The following MFHAS1 variants were observed in gnomAD, a reference collection of about 807,000 sequenced individuals.
The protein encoded by MFHAS1 is malignant fibrous histiocytoma-amplified sequence 1.
A neutral mutation model predicts 70.4 loss-of-function variants in MFHAS1; 50 were observed. That is an observed-to-expected ratio of 0.71 (90% CI 0.57 to 0.90). The LOEUF is 0.90. Ranked by LOEUF, MFHAS1 falls within the 40% of genes least tolerant of loss-of-function variation. MFHAS1 has a pLI of 0.00. For synonymous variants in MFHAS1, 952 were observed against 620.0 expected (o/e 1.54, Z -7.96); for missense variants, 1,795 against 1,347.6 (o/e 1.33, Z -5.20).
rs534971301 is a variant in MFHAS1 at position 8,876,675 on chromosome 8, C to T, written c.2998+13386G>A. Among the ~76,000 whole-genome samples, 4 of 151,940 alleles carry T rather than the reference C, an allele frequency of 2.6e-5. No individual in the cohort carries two copies. In the East Asian group the frequency reaches 5.9e-4, roughly 22 times the overall value. On this transcript the variant is annotated intron_variant, in intron 1 of 2. Coordinates refer to ENST00000276282, the MANE Select transcript of MFHAS1 (RefSeq NM_004225.3). ...TACAGGTGTGAGCCACCACACCTGG[C>T]CTATAAGTTTTTATAAAGGGGAAAA...
intron 1 of MFHAS1, among the ~76,000 whole-genome samples, chr8:8,882,074 A>G (rs554569618): frequency 6.6e-6 from 1 of 152,220 alleles, no homozygotes; most frequent in Admixed American, 6.5e-5. Context: ...TTCCTTTAAA[A>G]TGCATAAAGA....
At chr8:8,847,050 C>A (rs1808062589) in intron 1 of MFHAS1, among the ~76,000 whole-genome samples, 1 of 152,180 alleles carries the variant, frequency 6.6e-6, no homozygotes, top group Non-Finnish European at 1.5e-5. Flanking sequence ...TCCAAACACA[C>A]TCAGAAAAAC....
rs1312516996 is a variant in MFHAS1 at position 8,891,977 on chromosome 8, A to C, written c.1082T>G (p.Phe361Cys). ...GNQIAVLPDH[F>C]GQLSRVGLWK... ...CAAACCCACCCGGGAGAGCTGGCCA[A>C]AGTGGTCGGGCAGCACCGCGATCTG... is the stretch of plus-strand genomic sequence containing the variant. Residue 361 changes from phenylalanine (F) to cysteine (C), a missense_variant, in exon 1 of 3, where the codon TTT becomes TGT. Phe to Cys is a radical substitution (Grantham distance 205, BLOSUM62 -2). Transcript: ENST00000276282. This position sits in a 1 kb window ranked among gnomAD's most constrained non-coding sequence, Gnocchi z 5.4. 1 of 1,612,888 alleles carries C rather than the reference A, an allele frequency of 6.2e-7. No homozygotes were observed. The highest frequency in any genetic ancestry group is 1.3e-5 in the African/African-American group (1 of 74,894).
In MFHAS1 at chr8:8,807,849, C is replaced by G. The variant is rs183996522; in HGVS notation, c.2999-10358G>C. Among the ~76,000 whole-genome samples the G allele has an allele frequency of 1.1e-4, 16 of 152,324 alleles. No homozygotes were observed. The East Asian group carries it at 3.1e-3, about 29-fold the overall frequency. ...GTAACAATTTAAAAAGCAAAATGAACTTGAACTTGTCATTCATCTGTATGT... is the reference window on the plus strand; with the variant it reads ...GTAACAATTTAAAAAGCAAAATGAAGTTGAACTTGTCATTCATCTGTATGT... On this transcript the variant is annotated intron_variant, in intron 1 of 2. Transcript: ENST00000276282.
chr8:8,827,212 C>T (rs1011175376), intron 1 of MFHAS1, among the ~76,000 whole-genome samples: 3 of 152,120 alleles, frequency 2.0e-5, no homozygotes, highest in African/African-American at 7.2e-5. Context: ...TATAAGCTAC[C>T]TCTATTTTTT....
chr8:8,825,615 T>C (rs1807129845), intron 1 of MFHAS1, among the ~76,000 whole-genome samples: 1 of 152,186 alleles, frequency 6.6e-6, no homozygotes, highest in Admixed American at 6.5e-5. Flanking sequence ...GCCTTCCCTC[T>C]GAGGATGTTT....
At position 8,812,014 on chromosome 8, in the gene MFHAS1, G is replaced by C. The variant is rs186613918; in HGVS notation, c.2999-14523C>G. On this transcript the variant is annotated intron_variant, in intron 1 of 2. Coordinates refer to ENST00000276282, the MANE Select transcript of MFHAS1 (RefSeq NM_004225.3). The stretch of plus-strand genomic sequence containing the variant: ...AACCCCAAAACCAGAAGCACTCCAG[G>C]AAGTGGTCACCCTGCTTTGCTGTCT... Among the ~76,000 whole-genome samples, 242 of 152,302 alleles carry C rather than the reference G, an allele frequency of 1.6e-3. 3 individuals carry two copies. Among genetic ancestry groups the C allele is most frequent in the Admixed American group, 0.014 (219 of 15,300 alleles).
At chr8:8,827,507 A>C (rs2117315942) in intron 1 of MFHAS1, among the ~76,000 whole-genome samples, 1 of 152,356 alleles carries the variant, frequency 6.6e-6, no homozygotes, top group South Asian at 2.1e-4. Flanking sequence ...TTTTTAAACA[A>C]AGTGAAGTTT....
chr8:8,861,918 G>A (rs540991243), intron 1 of MFHAS1, among the ~76,000 whole-genome samples: 131 of 152,218 alleles, frequency 8.6e-4, no homozygotes, highest in African/African-American at 2.8e-3. Flanking sequence ...TTGCTATGTC[G>A]CATACCACAA....
intron 1 of MFHAS1, among the ~76,000 whole-genome samples, chr8:8,832,529 C>T (rs1807440767): frequency 6.6e-6 from 1 of 151,438 alleles, no homozygotes; most frequent in African/African-American, 2.4e-5. Flanking sequence ...AAACAGAAAC[C>T]TTACGAAGAT....
At chr8:8,854,399 C>T (rs1319823925) in intron 1 of MFHAS1, among the ~76,000 whole-genome samples, 3 of 152,092 alleles carry the variant, frequency 2.0e-5, no homozygotes, top group Non-Finnish European at 4.4e-5. Flanking sequence ...TGGGCGCCTA[C>T]AGTCCCAGCT....
chr8:8,817,386 A>G (rs903574042), intron 1 of MFHAS1, among the ~76,000 whole-genome samples: 3 of 152,260 alleles, frequency 2.0e-5, no homozygotes, highest in African/African-American at 7.2e-5. Context: ...ATTTGAAATA[A>G]AAAGTATGGG....
At position 8,892,918 on chromosome 8, in the gene MFHAS1, C is replaced by A. The variant is rs1219476440; in HGVS notation, c.141G>T (p.Ala47=). The part of the protein sequence containing the change: ...AGACPGAGAD[A]LESPASPQLV... ...GCTGGGGGGAGGCGGGGGACTCGAGCGCGTCGGCCCCGGCCCCGGGGCAGG... is the reference window on the plus strand; with the variant it reads ...GCTGGGGGGAGGCGGGGGACTCGAGAGCGTCGGCCCCGGCCCCGGGGCAGG... The change falls in exon 1 of 3, where the codon GCG becomes GCT. Residue 47 remains alanine, a synonymous_variant. Coordinates refer to ENST00000276282, the MANE Select transcript of MFHAS1 (RefSeq NM_004225.3). The surrounding 1 kb of genome is among the most constrained non-coding windows in gnomAD (Gnocchi z 4.7). The A allele has an allele frequency of 1.3e-6, 2 of 1,556,606 alleles. No individual in the cohort carries two copies. Among genetic ancestry groups the A allele is most frequent in the African/African-American group, 1.4e-5 (1 of 71,436 alleles).
At chr8:8,877,848 A>T (rs1809355230) in intron 1 of MFHAS1, among the ~76,000 whole-genome samples, 1 of 152,232 alleles carries the variant, frequency 6.6e-6, no homozygotes, top group Non-Finnish European at 1.5e-5. Flanking sequence ...AGTGTCTACC[A>T]GTCCATGAAT....
chr8:8,812,097 CAT>C (rs1806569469), intron 1 of MFHAS1, among the ~76,000 whole-genome samples: 1 of 152,192 alleles, frequency 6.6e-6, no homozygotes, highest in African/African-American at 2.4e-5. Context: ...AGTCAAGTTC[CAT>C]GTGCGGCGAC....
chr8:8,795,088 C>G (rs981931511), intron 2 of MFHAS1, among the ~76,000 whole-genome samples: 12 of 152,162 alleles, frequency 7.9e-5, no homozygotes, highest in African/African-American at 2.7e-4. Flanking sequence ...AGGTTCATGT[C>G]TCTCTTGGCT....
Position 8,892,658 on chromosome 8 carries a change from A to T in MFHAS1, c.401T>A (p.Leu134Gln), listed in dbSNP as rs1810117696. ...GAGGTTGAGCTTCCGCAGCTCCCTCAGAGCACTCACCACCTCCGCGCCCAG... is the reference window on the plus strand; with the variant it reads ...GAGGTTGAGCTTCCGCAGCTCCCTCTGAGCACTCACCACCTCCGCGCCCAG... ...TALGAEVVSALRELRKLNLSH... is the reference protein window; with the variant it reads ...TALGAEVVSAQRELRKLNLSH... The change falls in exon 1 of 3, where the codon CTG becomes CAG. Residue 134 changes from leucine to glutamine, a missense_variant. By Grantham distance (113) the Leu-to-Gln change is moderately radical. Coordinates refer to ENST00000276282, the MANE Select transcript of MFHAS1 (RefSeq NM_004225.3). This position sits in a 1 kb window ranked among gnomAD's most constrained non-coding sequence, Gnocchi z 4.7. 1 of 1,591,766 alleles carries T rather than the reference A, an allele frequency of 6.3e-7. No homozygotes were observed. Among genetic ancestry groups the T allele is most frequent in the Admixed American group, 1.8e-5 (1 of 56,488 alleles).
chr8:8,811,054 C>T (rs891231600), intron 1 of MFHAS1, among the ~76,000 whole-genome samples: 4 of 152,048 alleles, frequency 2.6e-5, no homozygotes, highest in East Asian at 1.9e-4. Flanking sequence ...AATAATATCT[C>T]GCGCAGGCAG....
chr8:8,788,524 C>T (rs1158504574), intron 2 of MFHAS1, among the ~76,000 whole-genome samples: 2 of 152,212 alleles, frequency 1.3e-5, no homozygotes, highest in East Asian at 3.9e-4. Flanking sequence ...ACTAAAAATG[C>T]AAAAATTAGC....
Sources: allele counts gnomAD v4.1 joint callset (sites outside exome capture counted in the v4.1 genomes callset), GRCh38; gene constraint gnomAD v4.1.1; non-coding constraint Gnocchi (gnomAD v3.1); transcripts MANE v1.5; gene names NCBI Gene and HGNC (gene_info 2026-07-23, HGNC 2026-07-21).